DENND4A: variants seen among roughly 807,000 people sequenced by gnomAD.
The protein encoded by DENND4A is DENN domain containing 4A, also known as C-myc promoter-binding protein.
Under a neutral mutation model 199.3 loss-of-function variants are expected in DENND4A, and 70 were observed. The observed-to-expected ratio is 0.35, with a 90% confidence interval of 0.29 to 0.43. The LOEUF is 0.43. Ranked by LOEUF, DENND4A falls within the 20% of genes least tolerant of loss-of-function variation. The pLI, the probability that DENND4A is intolerant of heterozygous loss-of-function variation, is 1.00. For missense variants in DENND4A, 1,723 were observed against 2,255.8 expected, an observed-to-expected ratio of 0.76 and a Z score of 4.78; for synonymous variants, 686 against 766.9, an observed-to-expected ratio of 0.89 and a Z score of 1.74.
chr15:65,714,356 T>C (rs1399259620), intron 14 of DENND4A, among the ~76,000 whole-genome samples: 1 of 150,570 alleles, frequency 6.6e-6, no homozygotes, highest in Non-Finnish European at 1.5e-5. Context: ...GAGCTTGCAG[T>C]GAGCCAGGAT....
At chr15:65,743,948 AG>A (rs35843574) in intron 4 of DENND4A, among the ~76,000 whole-genome samples, 30,086 of 152,028 alleles carry the variant, frequency 0.2, 4,003 homozygotes, top group East Asian at 0.73. Flanking sequence ...AAGCCACTGG[AG>A]GGTTTTGAGC....
At chr15:65,744,713 A>C (rs1454086092) in intron 4 of DENND4A, among the ~76,000 whole-genome samples, 1 of 152,208 alleles carries the variant, frequency 6.6e-6, no homozygotes, top group African/African-American at 2.4e-5. Flanking sequence ...AGAGACTCAT[A>C]AAGTATAAGC....
At chr15:65,689,348 T>C (rs1269988254) in intron 23 of DENND4A, among the ~76,000 whole-genome samples, 1 of 152,216 alleles carries the variant, frequency 6.6e-6, no homozygotes. Context: ...TTTTTAGCTA[T>C]GTTCCTGTCT....
intron 1 of DENND4A, among the ~76,000 whole-genome samples, chr15:65,770,218 A>G (rs192335036): frequency 2.6e-5 from 4 of 152,232 alleles, no homozygotes; most frequent in African/African-American, 9.6e-5. Context: ...TTTAGTATTC[A>G]TTTTTCTTAT....
At chr15:65,768,357 A>T (rs947058523) in intron 1 of DENND4A, among the ~76,000 whole-genome samples, 2 of 152,140 alleles carry the variant, frequency 1.3e-5, no homozygotes, top group Non-Finnish European at 2.9e-5. Flanking sequence ...TTTTTAAAAT[A>T]TAACACACAT....
At chr15:65,727,971 GCATTATTTTA>G (rs2075853111) in intron 11 of DENND4A, 1 of 168,464 alleles carries the variant, frequency 5.9e-6, no homozygotes. Flanking sequence ...AAATTTTAAA[GCATTATTTTA>G]CTATGATGAG....
chr15:65,728,579 G>A (rs2075877365), intron 11 of DENND4A, among the ~76,000 whole-genome samples: 1 of 151,480 alleles, frequency 6.6e-6, no homozygotes, highest in African/African-American at 2.4e-5. Flanking sequence ...CACCTCCCGG[G>A]TTGAAGCAAT....
At chr15:65,733,467 T>C (rs2076021577) in intron 7 of DENND4A, among the ~76,000 whole-genome samples, 1 of 152,154 alleles carries the variant, frequency 6.6e-6, no homozygotes, top group Admixed American at 6.5e-5. Flanking sequence ...GTTTGTATTA[T>C]TTTTTAAAAA....
chr15:65,699,620 G>A (rs1326721950), intron 20 of DENND4A, among the ~76,000 whole-genome samples: 1 of 147,378 alleles, frequency 6.8e-6, no homozygotes, highest in East Asian at 2.0e-4. Context: ...ATACACACAT[G>A]TTATACATAT....
In DENND4A at chr15:65,792,267, C is replaced by T. The variant is rs1468832487; in HGVS notation, c.-359G>A. On this transcript the variant is annotated 5_prime_UTR_variant, in exon 1 of 33. Coordinates refer to ENST00000443035, the MANE Select transcript of DENND4A (RefSeq NM_001320835.1). ...TTTCTCCGACTCTAGCCTCCGCGGC[C>T]ACCGCGACCGGCGCCATCTTGGCAA... 1.3e-5 allele frequency: 2 copies of T among 152,478 alleles called. No individual in the cohort carries two copies. The highest frequency in any genetic ancestry group is 6.5e-5 in the Admixed American group (1 of 15,290). The allele number at this position is 152,478 out of a possible 1,614,324, so 9.4% of individuals were successfully genotyped here. A position where few individuals can be genotyped will look rare whatever the true frequency, so the allele number is the denominator to read the frequency against.
At chr15:65,667,780 T>C (rs1200963408) in intron 28 of DENND4A, 77 bp from the exon 29 acceptor site, 1 of 1,514,412 alleles carries the variant, frequency 6.6e-7, no homozygotes, top group Non-Finnish European at 8.9e-7. Context: ...GATTCCCATA[T>C]GAGTAGAAAA....
rs192331822 is a variant in DENND4A, at chr15:65,681,856, C to T, written c.4180-5222G>A. Reference sequence around the variant, plus strand: ...GCGTTGGGATTACACGCGTGAGCCACTGCACCTGGCAACTGCTTTTCTATT... The same window carrying T: ...GCGTTGGGATTACACGCGTGAGCCATTGCACCTGGCAACTGCTTTTCTATT... On this transcript the variant is annotated intron_variant, in intron 23 of 32. Coordinates refer to ENST00000443035, the MANE Select transcript of DENND4A (RefSeq NM_001320835.1). Among the ~76,000 whole-genome samples the T allele has an allele frequency of 1.2e-4, 19 of 152,336 alleles. No homozygotes were observed. In the East Asian group the frequency reaches 3.5e-3, roughly 28 times the overall value.
rs1028064561 is a variant in DENND4A, at chr15:65,733,351, A to T, written c.1041-533T>A. Among the ~76,000 whole-genome samples the T allele has an allele frequency of 2.6e-5, 4 of 152,286 alleles. No individual in the cohort carries two copies. In the South Asian group the frequency reaches 8.3e-4, roughly 32 times the overall value. ...TAGATCTATGGATTTTGTTTTTAAC[A>T]CTATGGAACAGAAAAAAAGCAACCA... On this transcript the variant is annotated intron_variant, in intron 7 of 32. Coordinates refer to ENST00000443035, the MANE Select transcript of DENND4A (RefSeq NM_001320835.1).
At chr15:65,696,541 T>C (rs2142127603) in intron 21 of DENND4A, 44 bp from the exon 22 acceptor site, 2 of 1,482,892 alleles carry the variant, frequency 1.3e-6, no homozygotes, top group Non-Finnish European at 1.9e-6. Flanking sequence ...GAAATCTATA[T>C]ACACTGTAGG....
chr15:65,700,667 T>A lies in DENND4A; in HGVS notation c.2710A>T (p.Ser904Cys), dbSNP rs1262773938. Reference sequence around the variant, plus strand: ...CCATGACTAACAGCATCCAGGTCACTGCCATCTGCTTAAGAACACAATTTG... The same window carrying A: ...CCATGACTAACAGCATCCAGGTCACAGCCATCTGCTTAAGAACACAATTTG... ...LSQTTLSADG[S>C]DLDAVSHGSM... Residue 904 changes from serine (S) to cysteine (C), a missense_variant, in exon 20 of 33, where the codon AGT becomes TGT. Coordinates refer to ENST00000443035, the MANE Select transcript of DENND4A (RefSeq NM_001320835.1). The A allele has an allele frequency of 6.5e-7, 1 of 1,536,766 alleles. No homozygotes were observed. The highest frequency in any genetic ancestry group is 2.1e-5 in the Admixed American group (1 of 46,616).
chr15:65,737,983 T>A (rs1183293804), intron 6 of DENND4A, 38 bp from the exon 7 acceptor site: 1 of 1,523,390 alleles, frequency 6.6e-7, no homozygotes, highest in Non-Finnish European at 8.8e-7. Flanking sequence ...ATATACTTTG[T>A]ATCATATATC....
intron 13 of DENND4A, among the ~76,000 whole-genome samples, chr15:65,715,986 TG>T (rs754200922): frequency 7.2e-5 from 11 of 152,010 alleles, no homozygotes; most frequent in Non-Finnish European, 1.0e-4. Context: ...TATATATAAA[TG>T]GCTTTCTCAA....
At chr15:65,727,774 T>C (rs756787062) in intron 11 of DENND4A, 4 of 347,754 alleles carry the variant, frequency 1.2e-5, no homozygotes, top group Non-Finnish European at 2.2e-5. Context: ...CTTCCCTGAA[T>C]AGATTAAGTA....
chr15:65,712,885 A>C (rs1021721736), intron 14 of DENND4A, among the ~76,000 whole-genome samples: 1 of 152,142 alleles, frequency 6.6e-6, no homozygotes, highest in Non-Finnish European at 1.5e-5. Context: ...CATGGATACT[A>C]TATACCTATT....
Sources: allele counts gnomAD v4.1 joint callset (sites outside exome capture counted in the v4.1 genomes callset), GRCh38; gene constraint gnomAD v4.1.1; transcripts MANE v1.5; gene names NCBI Gene and HGNC (gene_info 2026-07-23, HGNC 2026-07-21).